Variants in CADM2 observed in about 807,000 individuals in gnomAD.
The protein encoded by CADM2 is immunoglobulin superfamily member 4D.
CADM2 carries 12 observed loss-of-function variants against 49.8 expected under a neutral mutation model. The ratio of observed to expected loss-of-function variants is 0.24; its 90% CI spans 0.15 to 0.39. The LOEUF (loss-of-function observed/expected upper bound fraction) is 0.39, where lower values mean the gene tolerates loss of function less well. Among genes scored for constraint, CADM2 ranks in the 10% least tolerant of loss-of-function variants. The pLI is 1.00. For missense variants in CADM2, 378 were observed against 492.3 expected, an observed-to-expected ratio of 0.77 and a Z score of 2.20; for synonymous variants, 214 against 175.4, an observed-to-expected ratio of 1.22 and a Z score of -1.74.
intron 1 of CADM2, among the ~76,000 whole-genome samples, chr3:85,157,277 C>T (rs1445823347): frequency 1.1e-4 from 17 of 150,670 alleles, no homozygotes; most frequent in African/African-American, 3.9e-4. Flanking sequence ...AAGTAATTTA[C>T]AGATTCAATG....
At chr3:86,026,808 C>T (rs1733956881) in intron 8 of CADM2, among the ~76,000 whole-genome samples, 1 of 152,060 alleles carries the variant, frequency 6.6e-6, no homozygotes, top group Admixed American at 6.6e-5. Flanking sequence ...TACTTTATCC[C>T]CAGTTCCTGG....
intron 6 of CADM2, among the ~76,000 whole-genome samples, chr3:85,926,126 G>A (rs1300554563): frequency 6.9e-6 from 1 of 144,150 alleles, no homozygotes; most frequent in Non-Finnish European, 1.5e-5. Context: ...ACAGAGTGAG[G>A]CTCTGTCTCA....
intron 1 of CADM2, among the ~76,000 whole-genome samples, chr3:85,128,701 C>T (rs1456047929): frequency 1.3e-5 from 2 of 152,076 alleles, no homozygotes; most frequent in Non-Finnish European, 2.9e-5. Context: ...TTAGGTTAGA[C>T]CCCAAAAGGT....
rs765772188 is a variant in CADM2 at position 85,130,920 on chromosome 3, G to A, written c.61+171252G>A. The stretch of plus-strand genomic sequence containing the variant: ...ATTTTATGCTAGGCATGGTGGCTCA[G>A]GCCTGTAATCCCAGCACTTTGGGAG... On this transcript the variant is annotated intron_variant, in intron 1 of 9. Transcript: ENST00000383699. Among the ~76,000 whole-genome samples the A allele has an allele frequency of 3.6e-4, 55 of 152,118 alleles. 1 individual carries two copies. Among genetic ancestry groups the A allele is most frequent in the Admixed American group, 1.9e-3 (29 of 15,278 alleles).
At chr3:85,459,815 G>T (rs768898545) in intron 1 of CADM2, among the ~76,000 whole-genome samples, 2 of 152,154 alleles carry the variant, frequency 1.3e-5, no homozygotes, top group Non-Finnish European at 2.9e-5. Context: ...TTTTGATTGT[G>T]GATGCCATTC....
chr3:85,839,996 T>C (rs1000792728), intron 3 of CADM2, among the ~76,000 whole-genome samples: 7 of 151,900 alleles, frequency 4.6e-5, no homozygotes, highest in Admixed American at 2.6e-4. Flanking sequence ...CTACTCAGAA[T>C]TGTATACTTT....
chr3:85,662,680 C>T (rs112653890), intron 1 of CADM2, among the ~76,000 whole-genome samples: 5 of 152,134 alleles, frequency 3.3e-5, no homozygotes, highest in African/African-American at 1.2e-4. Flanking sequence ...CAAGAATATG[C>T]CTAACCATCT....
intron 1 of CADM2, among the ~76,000 whole-genome samples, chr3:85,039,524 G>T (rs942745393): frequency 6.6e-6 from 1 of 152,010 alleles, no homozygotes; most frequent in Non-Finnish European, 1.5e-5. Flanking sequence ...TAAAGCTATG[G>T]TATACTGATA....
intron 7 of CADM2, among the ~76,000 whole-genome samples, chr3:85,959,071 T>C (rs1471703054): frequency 6.6e-6 from 1 of 151,284 alleles, no homozygotes; most frequent in Non-Finnish European, 1.5e-5. Context: ...TATCTATATA[T>C]CTATATAGCT....
rs565218251 is a variant in CADM2, at chr3:86,044,898, T to C, written c.971-20707T>C. Reference sequence around the variant, plus strand: ...GCAGCCATAAAAAATGATGAGTTCATGTCCTTTTTAGGGACATGGATGAAG... The same window carrying C: ...GCAGCCATAAAAAATGATGAGTTCACGTCCTTTTTAGGGACATGGATGAAG... On this transcript the variant is annotated intron_variant, in intron 8 of 9. Coordinates refer to ENST00000383699, the MANE Select transcript of CADM2 (RefSeq NM_001167675.2). 8.2e-3 allele frequency among the ~76,000 whole-genome samples: 1,252 copies of C among 152,272 alleles called. 18 individuals carry two copies. Among genetic ancestry groups the C allele is most frequent in the African/African-American group, 0.027 (1,102 of 41,546 alleles).
intron 5 of CADM2, among the ~76,000 whole-genome samples, chr3:85,905,392 A>G (rs1716665252): frequency 1.3e-5 from 2 of 152,204 alleles, no homozygotes; most frequent in African/African-American, 2.4e-5. Context: ...AAGAAAATCA[A>G]TTAAAGACTG....
intron 1 of CADM2, among the ~76,000 whole-genome samples, chr3:85,535,787 G>T (rs1237554895): frequency 1.3e-5 from 2 of 152,064 alleles, no homozygotes; most frequent in African/African-American, 4.8e-5. Flanking sequence ...CTGCAGGCGA[G>T]AATTTATTCC....
At chr3:85,923,327 T>C (rs1324989871) in intron 6 of CADM2, among the ~76,000 whole-genome samples, 1 of 152,188 alleles carries the variant, frequency 6.6e-6, no homozygotes, top group African/African-American at 2.4e-5. Flanking sequence ...TTCCAACTCA[T>C]CTATTTTTGA....
chr3:85,124,442 A>AT (rs996802631), intron 1 of CADM2, among the ~76,000 whole-genome samples: 92 of 148,452 alleles, frequency 6.2e-4, no homozygotes, highest in South Asian at 2.8e-3. Flanking sequence ...ATCTCTACCA[A>AT]TTTTTTTTTT....
chr3:85,275,613 C>G (rs541910482), intron 1 of CADM2, among the ~76,000 whole-genome samples: 2 of 151,272 alleles, frequency 1.3e-5, no homozygotes, highest in African/African-American at 4.8e-5. Flanking sequence ...CAGTTACATG[C>G]ATTTTTTCCA....
At chr3:85,461,447 A>G (rs1207187468) in intron 1 of CADM2, among the ~76,000 whole-genome samples, 1 of 152,184 alleles carries the variant, frequency 6.6e-6, no homozygotes, top group Non-Finnish European at 1.5e-5. Flanking sequence ...CTTTTTAGTA[A>G]AATCATTATT....
intron 1 of CADM2, among the ~76,000 whole-genome samples, chr3:85,454,917 G>A (rs1045097467): frequency 1.3e-5 from 2 of 152,156 alleles, no homozygotes; most frequent in African/African-American, 4.8e-5. Context: ...CTCATGAATC[G>A]CTTCATTGAT....
At chr3:85,718,647 C>T (rs556159117) in intron 1 of CADM2, among the ~76,000 whole-genome samples, 3 of 151,818 alleles carry the variant, frequency 2.0e-5, no homozygotes, top group African/African-American at 7.2e-5. Context: ...TATGTATAAA[C>T]TATTTGTACT....
chr3:85,342,498 A>G (rs1173150370), intron 1 of CADM2, among the ~76,000 whole-genome samples: 1 of 152,074 alleles, frequency 6.6e-6, no homozygotes, highest in African/African-American at 2.4e-5. Flanking sequence ...GAGACAATGA[A>G]GACAGAATTA....
Sources: gnomAD v4.1 joint callset for allele counts (sites outside exome capture counted in the v4.1 genomes callset) on GRCh38, gnomAD v4.1.1 for gene constraint, MANE v1.5 for transcripts, NCBI Gene and HGNC (gene_info 2026-07-23, HGNC 2026-07-21) for gene names.